CADPS: variants seen among roughly 807,000 people sequenced by gnomAD.
CADPS encodes calcium-dependent secretion activator 1.
Under a neutral mutation model 167.3 loss-of-function variants are expected in CADPS, and 57 were observed. The ratio of observed to expected loss-of-function variants is 0.34; its 90% confidence interval spans 0.28 to 0.42. CADPS has a LOEUF of 0.42. Among genes scored for constraint, CADPS ranks in the 20% least tolerant of loss-of-function variants. The pLI is 1.00. For synonymous variants in CADPS, 676 were observed against 635.3 expected, an observed-to-expected ratio of 1.06 and a Z score of -0.96; for missense variants, 1,414 against 1,738.1, an observed-to-expected ratio of 0.81 and a Z score of 3.32.
rs2060011564 is a variant in CADPS, at chr3:62,601,792, A to T, written c.1326-9044T>A. On this transcript the variant is annotated intron_variant, in intron 6 of 29. Transcript: ENST00000383710. The surrounding 1 kb of genome is among the most constrained non-coding windows in gnomAD (Gnocchi z 4.3). ...TGGGGATGACTTTTAAAGTCACAGCACATTATTTCTCCAAACCTGTTCCAC... is the reference window on the plus strand; with the variant it reads ...TGGGGATGACTTTTAAAGTCACAGCTCATTATTTCTCCAAACCTGTTCCAC... 2.0e-5 allele frequency among the ~76,000 whole-genome samples: 3 copies of T among 152,206 alleles called. No homozygotes were observed. The South Asian group carries it at 6.2e-4, about 32-fold the overall frequency.
intron 1 of CADPS, among the ~76,000 whole-genome samples, chr3:62,819,251 T>C (rs566306915): frequency 2.6e-5 from 4 of 152,308 alleles, no homozygotes; most frequent in African/African-American, 7.2e-5. Flanking sequence ...ACAATGTGAA[T>C]CTATGTTTGT....
intron 11 of CADPS, among the ~76,000 whole-genome samples, chr3:62,543,960 A>G (rs2076089574): frequency 6.6e-6 from 1 of 152,130 alleles, no homozygotes; most frequent in Admixed American, 6.6e-5. Flanking sequence ...ATTTTTAGAA[A>G]AATTAATACA....
chr3:62,499,759 G>A (rs1300371211), intron 17 of CADPS: 3 of 153,526 alleles, frequency 2.0e-5, no homozygotes, highest in Admixed American at 1.3e-4. Flanking sequence ...AGATTCAAAT[G>A]TCTGCTTCAA....
intron 27 of CADPS, among the ~76,000 whole-genome samples, chr3:62,442,666 C>T (rs909768766): frequency 1.4e-4 from 22 of 152,164 alleles, no homozygotes; most frequent in African/African-American, 5.3e-4. Context: ...GAGAGAGATG[C>T]ACATAATTGA....
intron 3 of CADPS, among the ~76,000 whole-genome samples, chr3:62,707,250 T>C (rs1372085441): frequency 2.6e-5 from 4 of 152,036 alleles, no homozygotes; most frequent in East Asian, 1.9e-4. Flanking sequence ...GGGATCTCCA[T>C]TGTATGCTCC....
intron 6 of CADPS, among the ~76,000 whole-genome samples, chr3:62,616,713 A>T (rs995889372): frequency 6.6e-6 from 1 of 152,178 alleles, no homozygotes; most frequent in Non-Finnish European, 1.5e-5. Context: ...CATATGGTAT[A>T]TGTGCAACAG....
intron 1 of CADPS, among the ~76,000 whole-genome samples, chr3:62,809,902 C>T (rs893922695): frequency 4.6e-5 from 7 of 152,270 alleles, no homozygotes; most frequent in Admixed American, 2.0e-4. Context: ...CATACAATTA[C>T]GTCTTAACAT....
chr3:62,661,980 C>A lies in CADPS; in HGVS notation c.969+334G>T, dbSNP rs556575138. On this transcript the variant is annotated intron_variant, in intron 4 of 29. Coordinates refer to ENST00000383710, the MANE Select transcript of CADPS (RefSeq NM_003716.4). ...TTATGTGTGTGGGGTGGGAGGAAGA[C>A]AAGGAGCTAGATTTTGAAGGCATTC... Among the ~76,000 whole-genome samples, 7 of 152,176 alleles carry A rather than the reference C, an allele frequency of 4.6e-5. No individual in the cohort carries two copies. The South Asian group carries it at 1.5e-3, about 32-fold the overall frequency.
At chr3:62,594,661 T>G (rs2086891648) in intron 6 of CADPS, among the ~76,000 whole-genome samples, 1 of 152,174 alleles carries the variant, frequency 6.6e-6, no homozygotes, top group South Asian at 2.1e-4. Flanking sequence ...GTCTCCTGAG[T>G]AGCTAGGAGT....
intron 3 of CADPS, among the ~76,000 whole-genome samples, chr3:62,744,756 A>G (rs2081091549): frequency 6.6e-6 from 1 of 152,268 alleles, no homozygotes; most frequent in South Asian, 2.1e-4. Context: ...CATTTTGGCA[A>G]CAAAGGAAAG....
intron 1 of CADPS, among the ~76,000 whole-genome samples, chr3:62,872,993 C>A (rs1366344598): frequency 6.6e-6 from 1 of 152,206 alleles, no homozygotes; most frequent in East Asian, 1.9e-4. Flanking sequence ...GTGGACTCAA[C>A]ATCCAGCCTT....
chr3:62,838,254 G>C (rs2076177407), intron 1 of CADPS, among the ~76,000 whole-genome samples: 1 of 152,322 alleles, frequency 6.6e-6, no homozygotes, highest in East Asian at 1.9e-4. Flanking sequence ...GGTCAGAAAT[G>C]CATGTCTCCT....
intron 12 of CADPS, 72 bp from the exon 13 acceptor site, chr3:62,533,130 G>A (rs1009115962): frequency 2.2e-6 from 3 of 1,385,912 alleles, no homozygotes; most frequent in East Asian, 4.7e-5. Context: ...AGAGTTGGGA[G>A]TGGCTAGAGA....
At chr3:62,585,433 G>C in intron 7 of CADPS, 109 bp from the exon 8 acceptor site, 2 of 1,120,364 alleles carry the variant, frequency 1.8e-6, no homozygotes, top group Non-Finnish European at 1.3e-6. Flanking sequence ...TTCCCACTGT[G>C]GAGCAGCCAT....
chr3:62,492,236 T>A (rs2063868402), intron 20 of CADPS, 54 bp downstream of exon 20: 1 of 1,467,626 alleles, frequency 6.8e-7, no homozygotes, highest in East Asian at 2.3e-5. Flanking sequence ...ATCTTAGTGA[T>A]CTGTTTATCT....
chr3:62,513,559 G>T, intron 16 of CADPS: 2 of 932,984 alleles, frequency 2.1e-6, no homozygotes, highest in South Asian at 1.5e-5. Flanking sequence ...AGAGTGAGTT[G>T]GTTTGGATCT....
chr3:62,770,636 G>C (rs2088386558), intron 1 of CADPS, among the ~76,000 whole-genome samples: 3 of 152,138 alleles, frequency 2.0e-5, no homozygotes, highest in Admixed American at 1.3e-4. Flanking sequence ...ATGTTGATCA[G>C]GCTGGTCTTG....
At chr3:62,816,651 C>T (rs2094628994) in intron 1 of CADPS, among the ~76,000 whole-genome samples, 1 of 151,768 alleles carries the variant, frequency 6.6e-6, no homozygotes, top group South Asian at 2.1e-4. Context: ...TAAACATGAC[C>T]TCACTACCTT....
At chr3:62,860,772 A>T (rs1234955815) in intron 1 of CADPS, among the ~76,000 whole-genome samples, 1 of 152,200 alleles carries the variant, frequency 6.6e-6, no homozygotes, top group Admixed American at 6.5e-5. Flanking sequence ...TATGCTTCCT[A>T]TTTATGCAAA....
Sources: allele counts gnomAD v4.1 joint callset (sites outside exome capture counted in the v4.1 genomes callset), GRCh38; gene constraint gnomAD v4.1.1; non-coding constraint Gnocchi (gnomAD v3.1); transcripts MANE v1.5; gene names NCBI Gene and HGNC (gene_info 2026-07-23, HGNC 2026-07-21).